Variants in TMEM132D observed in about 807,000 individuals in gnomAD.
TMEM132D encodes the protein transmembrane protein 132D, also known as mature OL transmembrane protein.
Under a neutral mutation model 62.3 loss-of-function variants are expected in TMEM132D, and 21 were observed. The ratio of observed to expected loss-of-function variants is 0.34; its 90% confidence interval spans 0.24 to 0.49. The LOEUF (loss-of-function observed/expected upper bound fraction) is 0.49, where lower values mean the gene tolerates loss of function less well. TMEM132D is among the 20% of genes least tolerant of loss of function. The probability of loss-of-function intolerance (pLI) is 0.99; values close to 1 mark genes in which losing one functional copy is unlikely to be tolerated. For synonymous variants in TMEM132D, 621 were observed against 575.6 expected (o/e 1.08, Z -1.13); for missense variants, 1,346 against 1,402.8 (o/e 0.96, Z 0.65).
Position 129,074,032 on chromosome 12 carries a change from G to C in TMEM132D, c.3143C>G (p.Thr1048Ser), listed in dbSNP as rs2135601609. The C allele has an allele frequency of 1.2e-6, 2 of 1,613,998 alleles. No homozygotes were observed. The highest frequency in any genetic ancestry group is 2.2e-5 in the East Asian group (1 of 44,874). Reference sequence around the variant, plus strand: ...GTCTGAGGAGACGGCGGTGAAGGTGGTAAATTTTACCCTTTTCCTTTTTGA... The same window carrying C: ...GTCTGAGGAGACGGCGGTGAAGGTGCTAAATTTTACCCTTTTCCTTTTTGA... ...PTSKRKRVKFTTFTAVSSDDE... is the reference protein window; with the variant it reads ...PTSKRKRVKFSTFTAVSSDDE... The change falls in exon 9 of 9, where the codon ACC becomes AGC. Residue 1048 changes from threonine to serine, a missense_variant. Thr to Ser is a moderately conservative substitution (Grantham distance 58, BLOSUM62 1). Transcript: ENST00000422113.
intron 3 of TMEM132D, among the ~76,000 whole-genome samples, chr12:129,434,485 A>C (rs961416479): frequency 6.6e-6 from 1 of 152,162 alleles, no homozygotes; most frequent in Admixed American, 6.5e-5. Context: ...TGTTCTACAT[A>C]AAATTCTTAA....
At chr12:129,623,670 TATAC>T (rs1421936862) in intron 2 of TMEM132D, among the ~76,000 whole-genome samples, 42 of 142,846 alleles carry the variant, frequency 2.9e-4, no homozygotes, top group African/African-American at 1.1e-3. Context: ...TATACATATA[TATAC>T]ACATATATAT....
At chr12:129,790,354 T>A (rs921195902) in intron 1 of TMEM132D, among the ~76,000 whole-genome samples, 2 of 152,140 alleles carry the variant, frequency 1.3e-5, no homozygotes, top group Non-Finnish European at 2.9e-5. Context: ...CTAGGAGGAA[T>A]GAGGTGACAT....
chr12:129,698,198 G>T (rs922460919), intron 2 of TMEM132D: 1 of 152,026 alleles, frequency 6.6e-6, no homozygotes, highest in Non-Finnish European at 1.5e-5. Flanking sequence ...TTGAGGACCT[G>T]TGGCCAGCTG....
At position 129,073,738 on chromosome 12, in the gene TMEM132D, A is replaced by T; in HGVS notation, c.*137T>A. The T allele has an allele frequency of 1.3e-6, 1 of 770,594 alleles. No individual in the cohort carries two copies. The highest frequency in any genetic ancestry group is 2.0e-6 in the Non-Finnish European group (1 of 492,514). The allele number at this position is 770,594 out of a possible 1,614,324, so 47.7% of individuals were successfully genotyped here. ...CAGGCCTCGCCGCCGAGCCGGGGTC[A>T]TTGGCTGAGGCTGTATGGATAGTGT... is the stretch of plus-strand genomic sequence containing the variant. On this transcript the variant is annotated 3_prime_UTR_variant, in exon 9 of 9. Transcript: ENST00000422113.
chr12:129,378,833 G>C (rs1369686879), intron 3 of TMEM132D, among the ~76,000 whole-genome samples: 1 of 152,170 alleles, frequency 6.6e-6, no homozygotes, highest in Admixed American at 6.5e-5. Flanking sequence ...CAATCAACAG[G>C]AATGGCGGCC....
At chr12:129,728,089 A>G (rs769727143) in intron 1 of TMEM132D, among the ~76,000 whole-genome samples, 2 of 152,348 alleles carry the variant, frequency 1.3e-5, no homozygotes, top group East Asian at 3.9e-4. Context: ...GTGAGAAGCT[A>G]GAAGGATGGA....
chr12:129,477,018 CTTAATCA>C (rs1213939406), intron 3 of TMEM132D, among the ~76,000 whole-genome samples: 7 of 152,300 alleles, frequency 4.6e-5, no homozygotes, highest in African/African-American at 1.7e-4. Context: ...ATCCATGCCT[CTTAATCA>C]TTTTTGGTTT....
chr12:129,716,201 T>C (rs1252537199), intron 1 of TMEM132D, among the ~76,000 whole-genome samples: 1 of 152,168 alleles, frequency 6.6e-6, no homozygotes, highest in Non-Finnish European at 1.5e-5. Context: ...TTGAGTGCAA[T>C]TTTAAAGAGA....
intron 1 of TMEM132D, among the ~76,000 whole-genome samples, chr12:129,872,967 G>C (rs1874302127): frequency 6.6e-6 from 1 of 152,128 alleles, no homozygotes; most frequent in Admixed American, 6.5e-5. Flanking sequence ...TTATTCCCTT[G>C]TGAAAAAAAT....
intron 2 of TMEM132D, among the ~76,000 whole-genome samples, chr12:129,686,488 C>A (rs1156829354): frequency 6.6e-6 from 1 of 152,144 alleles, no homozygotes. Flanking sequence ...CCCAGTCCTG[C>A]AGAACTGTGA....
chr12:129,179,153 C>G (rs1368702944), intron 5 of TMEM132D, among the ~76,000 whole-genome samples: 3 of 152,034 alleles, frequency 2.0e-5, no homozygotes, highest in African/African-American at 7.3e-5. Context: ...ACGGGATGTT[C>G]AAAGTGTGAT....
chr12:129,897,836 C>A (rs1439543068), intron 1 of TMEM132D, among the ~76,000 whole-genome samples: 1 of 152,216 alleles, frequency 6.6e-6, no homozygotes, highest in Non-Finnish European at 1.5e-5. Flanking sequence ...GACCTCTCTG[C>A]ACTCAGCCCC....
At chr12:129,161,435 A>C (rs1408225835) in intron 5 of TMEM132D, among the ~76,000 whole-genome samples, 1 of 152,222 alleles carries the variant, frequency 6.6e-6, no homozygotes, top group African/African-American at 2.4e-5. Flanking sequence ...TAACCGACTT[A>C]TCTCAAGAAA....
At chr12:129,633,729 C>T (rs1441742479) in intron 2 of TMEM132D, among the ~76,000 whole-genome samples, 4 of 152,158 alleles carry the variant, frequency 2.6e-5, no homozygotes, top group South Asian at 2.1e-4. Flanking sequence ...TCCCATTTAA[C>T]GGTCCCCGGG....
At chr12:129,860,228 C>G (rs977525571) in intron 1 of TMEM132D, among the ~76,000 whole-genome samples, 1 of 152,198 alleles carries the variant, frequency 6.6e-6, no homozygotes, top group Non-Finnish European at 1.5e-5. Flanking sequence ...GGAAATAAGG[C>G]AAAACGATTA....
chr12:129,366,250 C>CA (rs1870409219), intron 3 of TMEM132D, among the ~76,000 whole-genome samples: 1 of 152,104 alleles, frequency 6.6e-6, no homozygotes, highest in South Asian at 2.1e-4. Context: ...TTGTAATCTT[C>CA]AATGTTGGAG....
chr12:129,499,893 C>T (rs1221947913), intron 3 of TMEM132D, among the ~76,000 whole-genome samples: 1 of 152,026 alleles, frequency 6.6e-6, no homozygotes, highest in Non-Finnish European at 1.5e-5. Context: ...AGGCAATTCA[C>T]CTGACCTCAT....
At chr12:129,749,338 G>A (rs1407025282) in intron 1 of TMEM132D, among the ~76,000 whole-genome samples, 5 of 152,174 alleles carry the variant, frequency 3.3e-5, no homozygotes, top group Admixed American at 1.3e-4. Context: ...ACACACACAC[G>A]TGCACAGAGG....
Sources: allele counts gnomAD v4.1 joint callset (sites outside exome capture counted in the v4.1 genomes callset), GRCh38; gene constraint gnomAD v4.1.1; transcripts MANE v1.5; gene names NCBI Gene and HGNC (gene_info 2026-07-23, HGNC 2026-07-21).